CFH: variants seen among roughly 807,000 people sequenced by gnomAD.
The protein encoded by CFH is complement factor H.
Under a neutral mutation model 147.3 loss-of-function variants are expected in CFH, and 53 were observed. The ratio of observed to expected loss-of-function variants is 0.36; its 90% confidence interval spans 0.29 to 0.45. CFH has a LOEUF of 0.45. CFH is among the 20% of genes least tolerant of loss of function. The pLI, the probability that CFH is intolerant of heterozygous loss-of-function variation, is 1.00. For missense variants in CFH, 1,380 were observed against 1,498.0 expected, an observed-to-expected ratio of 0.92 and a Z score of 1.30; for synonymous variants, 536 against 489.4, an observed-to-expected ratio of 1.10 and a Z score of -1.26.
chr1:196,689,948 T>G, intron 8 of CFH, 115 bp from the exon 9 acceptor site: 1 of 1,209,162 alleles, frequency 8.3e-7, no homozygotes, highest in Non-Finnish European at 1.1e-6. Context: ...ATACATTATT[T>G]TTGGATGTTT....
intron 9 of CFH, among the ~76,000 whole-genome samples, chr1:196,696,442 C>T (rs1217269807): frequency 6.6e-6 from 1 of 152,136 alleles, no homozygotes; most frequent in Non-Finnish European, 1.5e-5. Flanking sequence ...ACCAGAATAT[C>T]TGGGACACAG....
chr1:196,661,823 C>T (rs759816407), intron 1 of CFH, among the ~76,000 whole-genome samples: 10 of 152,228 alleles, frequency 6.6e-5, no homozygotes, highest in Non-Finnish European at 1.2e-4. Context: ...ACCTATCTAT[C>T]AGTCAATTAA....
intron 3 of CFH, among the ~76,000 whole-genome samples, chr1:196,674,623 C>T (rs1169139145): frequency 6.6e-6 from 1 of 152,038 alleles, no homozygotes; most frequent in Non-Finnish European, 1.5e-5. Flanking sequence ...AGGATTAGAT[C>T]ACTATAATCG....
chr1:196,655,985 A>C (rs1188148072), intron 1 of CFH, among the ~76,000 whole-genome samples: 5 of 152,172 alleles, frequency 3.3e-5, no homozygotes, highest in African/African-American at 4.8e-5. Context: ...AACCTTGTTA[A>C]CTGGAAATGT....
rs14473 is a variant in CFH, at chr1:196,747,335, C to G, written c.*22C>G. The G allele has an allele frequency of 3.7e-6, 6 of 1,613,856 alleles. No homozygotes were observed. Among genetic ancestry groups the G allele is most frequent in the Non-Finnish European group, 4.2e-6 (5 of 1,179,820 alleles). On this transcript the variant is annotated 3_prime_UTR_variant, in exon 22 of 22. Transcript: ENST00000367429. Reference sequence around the variant, plus strand: ...ATAGAATCAATCATAAAGTGCACACCTTTATTCAGAACTTTAGTATTAAAT... The same window carrying G: ...ATAGAATCAATCATAAAGTGCACACGTTTATTCAGAACTTTAGTATTAAAT...
At chr1:196,702,960 C>T (rs1668497935) in intron 9 of CFH, among the ~76,000 whole-genome samples, 1 of 152,092 alleles carries the variant, frequency 6.6e-6, no homozygotes, top group African/African-American at 2.4e-5. Flanking sequence ...GACCCAGAAG[C>T]CCCAGAAAAT....
At chr1:196,667,462 A>G (rs1239141251) in intron 1 of CFH, among the ~76,000 whole-genome samples, 1 of 152,212 alleles carries the variant, frequency 6.6e-6, no homozygotes, top group Non-Finnish European at 1.5e-5. Flanking sequence ...ATCTAATAAT[A>G]CTTTCTAACT....
intron 15 of CFH, among the ~76,000 whole-genome samples, chr1:196,732,395 C>T (rs1669299845): frequency 1.3e-5 from 2 of 151,942 alleles, no homozygotes; most frequent in South Asian, 4.1e-4. Flanking sequence ...TTGCATTGCT[C>T]TCTTGGTCTC....
intron 9 of CFH, among the ~76,000 whole-genome samples, chr1:196,705,064 A>C (rs560035856): frequency 6.6e-6 from 1 of 152,248 alleles, no homozygotes; most frequent in East Asian, 1.9e-4. Flanking sequence ...AAACTCACTA[A>C]CCGTCCGGGG....
At chr1:196,743,277 A>C (rs1161779655) in intron 19 of CFH, among the ~76,000 whole-genome samples, 175 bp from the exon 20 acceptor site, 5 of 152,232 alleles carry the variant, frequency 3.3e-5, no homozygotes, top group Admixed American at 6.5e-5. Flanking sequence ...CTTACAAAAA[A>C]TAGTTTCATG....
chr1:196,685,335 T>A, intron 7 of CFH, 98 bp downstream of exon 7: 1 of 1,245,944 alleles, frequency 8.0e-7, no homozygotes, highest in East Asian at 2.4e-5. Flanking sequence ...TTTGTCTTAT[T>A]GTATATACAA....
chr1:196,698,186 C>T (rs1419899816), intron 9 of CFH, among the ~76,000 whole-genome samples: 1 of 151,822 alleles, frequency 6.6e-6, no homozygotes, highest in Non-Finnish European at 1.5e-5. Flanking sequence ...GAAGCAAGAG[C>T]AAACAAATTC....
At chr1:196,703,370 C>G (rs920702877) in intron 9 of CFH, among the ~76,000 whole-genome samples, 3 of 152,164 alleles carry the variant, frequency 2.0e-5, no homozygotes, top group African/African-American at 7.2e-5. Flanking sequence ...AAACAGTCAG[C>G]CTTCTGCCCA....
intron 19 of CFH, 31 bp downstream of exon 19, chr1:196,742,082 T>C (rs1222329106): frequency 6.2e-6 from 10 of 1,608,702 alleles, no homozygotes; most frequent in Non-Finnish European, 7.7e-6. Context: ...AATTTATTTA[T>C]ATAATGTGTG....
intron 17 of CFH, among the ~76,000 whole-genome samples, chr1:196,738,765 G>A (rs111638354): frequency 3.9e-5 from 6 of 152,268 alleles, no homozygotes; most frequent in African/African-American, 1.4e-4. Flanking sequence ...CCATTCTGGG[G>A]CTTCAATGAT....
At chr1:196,654,055 A>G (rs1666594896) in intron 1 of CFH, among the ~76,000 whole-genome samples, 1 of 152,116 alleles carries the variant, frequency 6.6e-6, no homozygotes, top group South Asian at 2.1e-4. Context: ...CTATTAATCT[A>G]CCATATCTAA....
At chr1:196,727,048 C>A in intron 14 of CFH, 108 bp downstream of exon 14, 1 of 966,546 alleles carries the variant, frequency 1.0e-6, no homozygotes, top group Non-Finnish European at 1.6e-6. Flanking sequence ...CTCAACATTT[C>A]CAGTCTTCAA....
intron 7 of CFH, among the ~76,000 whole-genome samples, chr1:196,686,649 C>T (rs1335294861): frequency 6.6e-6 from 1 of 152,040 alleles, no homozygotes. Context: ...AGAGAGGAAG[C>T]TATTATCAGT....
At chr1:196,666,912 C>T (rs1667115606) in intron 1 of CFH, among the ~76,000 whole-genome samples, 1 of 151,106 alleles carries the variant, frequency 6.6e-6, no homozygotes, top group Non-Finnish European at 1.5e-5. Context: ...CTTAGAGTGG[C>T]TTTAATTTTT....
Sources: gnomAD v4.1 joint callset for allele counts (sites outside exome capture counted in the v4.1 genomes callset) on GRCh38, gnomAD v4.1.1 for gene constraint, MANE v1.5 for transcripts, NCBI Gene and HGNC (gene_info 2026-07-23, HGNC 2026-07-21) for gene names.